WDR87: variants seen among roughly 807,000 people sequenced by gnomAD.
WDR87 encodes WD repeat domain 87.
In WDR87, 56 loss-of-function variants were observed where a neutral mutation model predicts 83.3. The ratio of observed to expected loss-of-function variants is 0.67; its 90% CI spans 0.54 to 0.84. The LOEUF is 0.84. Among genes scored for constraint, WDR87 ranks in the 40% least tolerant of loss-of-function variants. The pLI is 0.00. For synonymous variants in WDR87, 1,173 were observed against 1,250.6 expected (o/e 0.94, Z 1.31); for missense variants, 2,939 against 3,431.9 (o/e 0.86, Z 3.59).
chr19:37,895,352 G>A lies in WDR87; in HGVS notation c.351C>T (p.Ser117=). Reference sequence around the variant, plus strand: ...CACAGTAGACCACGAGGATATGAAAGGAGCCTGCATGGACCATGGACTGGA... The same window carrying A: ...CACAGTAGACCACGAGGATATGAAAAGAGCCTGCATGGACCATGGACTGGA... ...PPIQSMVHAG[S]FHILVVYCGD... The change falls in exon 4 of 6, where the codon TCC becomes TCT. Residue 117 remains serine (S), a synonymous_variant. Transcript: ENST00000447313. The A allele has an allele frequency of 6.4e-7, 1 of 1,551,772 alleles. No individual in the cohort carries two copies. Among genetic ancestry groups the A allele is most frequent in the Non-Finnish European group, 8.7e-7 (1 of 1,147,010 alleles).
chr19:37,884,843 G>C lies in WDR87; in HGVS notation c.*89C>G. 1 of 792,288 alleles carries C rather than the reference G, an allele frequency of 1.3e-6. No homozygotes were observed. Among genetic ancestry groups the C allele is most frequent in the Non-Finnish European group, 1.7e-6 (1 of 593,396 alleles). 49.1% of individuals were successfully genotyped at this position (792,288 alleles called of 1,614,324 possible). A position where few individuals can be genotyped will look rare whatever the true frequency, so the allele number is the denominator to read the frequency against. The stretch of plus-strand genomic sequence containing the variant: ...AACACCGTCTCAAAAAAAAAAAAAA[G>C]AGAGAGAGAGAGATGAAGGTCTAGA... On this transcript the variant is annotated 3_prime_UTR_variant, in exon 6 of 6. Transcript: ENST00000447313.
In WDR87 at chr19:37,893,685, G is replaced by C; in HGVS notation, c.2018C>G (p.Ser673Cys). The C allele has an allele frequency of 2.6e-6, 4 of 1,551,996 alleles. No homozygotes were observed. Among genetic ancestry groups the C allele is most frequent in the Non-Finnish European group, 3.5e-6 (4 of 1,147,100 alleles). The change falls in exon 4 of 6, where the codon TCC becomes TGC. Residue 673 changes from serine (S) to cysteine (C), a missense_variant. By Grantham distance (112) the Ser-to-Cys change is moderately radical. This residue lies in a region of WDR87 where 553 missense variants were observed against 577.9 expected (regional missense o/e 0.96). Transcript: ENST00000447313. ...GGCTGGGGGAAGCAATTTTAAACAG[G>C]ACACTAGGTAAAGACTCTGGTTAAA... ...VTFNQSLYLV[S>C]CLKLLPPALL...
At position 37,892,596 on chromosome 19, in the gene WDR87, T is replaced by C. The variant is rs1437626531; in HGVS notation, c.3107A>G (p.Glu1036Gly). The change falls in exon 4 of 6, where the codon GAG becomes GGG. Residue 1036 changes from glutamate to glycine, a missense_variant. Around this residue, in one of 3 missense-constraint regions of WDR87, gnomAD observed 2,160 missense variants for 2,533.1 expected, o/e 0.85. Transcript: ENST00000447313. ...AACTTACTGCATCTCCCGAAAAGTC[T>C]CTTGTTTTTGGGTCAGCTGTAAGAG... ...TSLLQLTQKQ[E>G]TFREMQQQMI... The C allele has an allele frequency of 1.3e-5, 19 of 1,496,236 alleles. No homozygotes were observed. Among genetic ancestry groups the C allele is most frequent in the Non-Finnish European group, 1.7e-5 (19 of 1,116,996 alleles). 92.7% of individuals were successfully genotyped at this position (1,496,236 alleles called of 1,614,324 possible). A position where few individuals can be genotyped will look rare whatever the true frequency, so the allele number is the denominator to read the frequency against.
chr19:37,890,168 A>G lies in WDR87; in HGVS notation c.3503T>C (p.Ile1168Thr), dbSNP rs187320662. The G allele has an allele frequency of 6.6e-4, 1,022 of 1,551,774 alleles. 1 individual carries two copies. The highest frequency in any genetic ancestry group is 3.0e-3 in the Admixed American group (151 of 50,998). The change falls in exon 6 of 6, where the codon ATT (isoleucine) becomes ACT (threonine). Residue 1168 changes from isoleucine to threonine, a missense_variant. Transcript: ENST00000447313. ...EDESGTEAAP[I>T]EMEEASVYSQ... Reference sequence around the variant, plus strand: ...ATAGACGGATGCTTCCTCCATCTCAATTGGTGCGGCCTCAGTCCCACTTTC... The same window carrying G: ...ATAGACGGATGCTTCCTCCATCTCAGTTGGTGCGGCCTCAGTCCCACTTTC...
rs1367832969 is a variant in WDR87, at chr19:37,886,971, G to A, written c.6700C>T (p.Arg2234Ter). 24 of 1,551,632 alleles carry A rather than the reference G, an allele frequency of 1.5e-5. No homozygotes were observed. Among genetic ancestry groups the A allele is most frequent in the South Asian group, 3.6e-5 (3 of 83,968 alleles). Residue 2234 changes from arginine (R) to a stop codon, truncating the protein, a stop_gained, in exon 6 of 6, where the codon CGA (arginine) becomes TGA (stop). Coordinates refer to ENST00000447313, the MANE Select transcript of WDR87 (RefSeq NM_001291088.2). LOFTEE classifies it low-confidence loss of function (END_TRUNC). ...GCCTCTTTCCTCTTTCTCCACCTTC[G>A]TTTAAGGAATGGGATTACCTCTTCT... is the stretch of plus-strand genomic sequence containing the variant. ...EEEEVIPFLK[R>*]RWRKRKEAKR...
At chr19:37,904,675 G>C (rs1313573192) in intron 1 of WDR87, among the ~76,000 whole-genome samples, 1 of 152,096 alleles carries the variant, frequency 6.6e-6, no homozygotes, top group African/African-American at 2.4e-5. Flanking sequence ...TCTTATGCAA[G>C]TGATAGTATA....
rs1568449948 is a variant in WDR87, at chr19:37,888,651, C to CA, written c.5019_5020insT (p.Gly1674TrpfsTer2). The CA allele has an allele frequency of 1.3e-6, 2 of 1,552,084 alleles. No individual in the cohort carries two copies. The highest frequency in any genetic ancestry group is 2.4e-5 in the South Asian group (2 of 84,042). On this transcript the variant is annotated frameshift_variant, in exon 6 of 6. Transcript: ENST00000447313. LOFTEE classifies it low-confidence loss of function (END_TRUNC). Reference sequence around the variant, plus strand: ...GTTTCCTCTTTCTGGGCAAACTTACCCTCTGCCTGGGCCATTTCCCTGTCA... The same window carrying CA: ...GTTTCCTCTTTCTGGGCAAACTTACCACTCTGCCTGGGCCATTTCCCTGTCA...
chr19:37,898,254 C>T lies in WDR87; in HGVS notation c.-15G>A. 1 of 1,551,288 alleles carries T rather than the reference C, an allele frequency of 6.4e-7. No individual in the cohort carries two copies. The highest frequency in any genetic ancestry group is 1.4e-5 in the African/African-American group (1 of 73,160). ...GGGGAAGACATCACCGTCAGACTCCCTTGGCCCTCCTGAGGACTGTTGCTT... is the reference window on the plus strand; with the variant it reads ...GGGGAAGACATCACCGTCAGACTCCTTTGGCCCTCCTGAGGACTGTTGCTT... On this transcript the variant is annotated 5_prime_UTR_variant, in exon 2 of 6. Coordinates refer to ENST00000447313, the MANE Select transcript of WDR87 (RefSeq NM_001291088.2).
intron 1 of WDR87, among the ~76,000 whole-genome samples, chr19:37,904,335 G>A (rs981894193): frequency 1.3e-5 from 2 of 150,930 alleles, no homozygotes; most frequent in South Asian, 2.1e-4. Context: ...AACTCTGGTT[G>A]TGTCTTTCTT....
At position 37,886,463 on chromosome 19, in the gene WDR87, T is replaced by A; in HGVS notation, c.7208A>T (p.Glu2403Val). The change falls in exon 6 of 6, where the codon GAA (glutamate) becomes GTA (valine). Residue 2403 changes from glutamate to valine, a missense_variant. By Grantham distance (121) the Glu-to-Val change is moderately radical. Transcript: ENST00000447313. The stretch of plus-strand genomic sequence containing the variant: ...TCCTCTTAAAATGGAAAGGACTCTT[T>A]CCCTTCCTCTTAGGCTCTTTCTTCT... ...EQRRKSLRGR[E>V]RVLSILRGVP... 1 of 1,527,550 alleles carries A rather than the reference T, an allele frequency of 6.5e-7. No homozygotes were observed. Among genetic ancestry groups the A allele is most frequent in the Non-Finnish European group, 8.8e-7 (1 of 1,140,790 alleles). The allele number at this position is 1,527,550 out of a possible 1,614,324, so 94.6% of individuals were successfully genotyped here. A position where few individuals can be genotyped will look rare whatever the true frequency, so the allele number is the denominator to read the frequency against.
chr19:37,890,623 T>G (rs568005975), intron 5 of WDR87, among the ~76,000 whole-genome samples: 22 of 152,302 alleles, frequency 1.4e-4, no homozygotes, highest in African/African-American at 5.3e-4. Flanking sequence ...ATGTATACAC[T>G]TTTGTAATTA....
Position 37,895,252 on chromosome 19 carries a change from T to C in WDR87, c.451A>G (p.Asn151Asp), listed in dbSNP as rs1485901250. The C allele has an allele frequency of 1.5e-5, 23 of 1,551,598 alleles. No individual in the cohort carries two copies. The East Asian group carries it at 5.1e-4, about 35-fold the overall frequency. Residue 151 changes from asparagine to aspartate, a missense_variant, in exon 4 of 6, where the codon AAC becomes GAC. Transcript: ENST00000447313. Reference protein sequence around the residue: ...KPLGKVPCRFNISCLCYDPEM... With the variant: ...KPLGKVPCRFDISCLCYDPEM... ...GGGTCATAGCAGAGGCAGCTGATGT[T>C]GAAGCGGCAGGGCACTTTACCCAGG...
chr19:37,893,696 A>G lies in WDR87; in HGVS notation c.2007T>C (p.Leu669=), dbSNP rs1283479519. The G allele has an allele frequency of 6.4e-7, 1 of 1,551,992 alleles. No individual in the cohort carries two copies. Among genetic ancestry groups the G allele is most frequent in the Non-Finnish European group, 8.7e-7 (1 of 1,147,092 alleles). Residue 669 remains leucine, a synonymous_variant, in exon 4 of 6, where the codon CTT becomes CTC. Coordinates refer to ENST00000447313, the MANE Select transcript of WDR87 (RefSeq NM_001291088.2). ...GCAATTTTAAACAGGACACTAGGTAAAGACTCTGGTTAAAAGTCACAAGCA... is the reference window on the plus strand; with the variant it reads ...GCAATTTTAAACAGGACACTAGGTAGAGACTCTGGTTAAAAGTCACAAGCA... ...GDLLVTFNQS[L]YLVSCLKLLP...
intron 1 of WDR87, among the ~76,000 whole-genome samples, chr19:37,900,049 C>T (rs1181623864): frequency 1.3e-5 from 2 of 152,202 alleles, no homozygotes; most frequent in Non-Finnish European, 2.9e-5. Context: ...GAGACTTGCT[C>T]ACTGGATTTG....
chr19:37,887,491 G>A lies in WDR87; in HGVS notation c.6180C>T (p.Asp2060=), dbSNP rs1360397193. The change falls in exon 6 of 6, where the codon GAC becomes GAT. Residue 2060 remains aspartate, a synonymous_variant. Coordinates refer to ENST00000447313, the MANE Select transcript of WDR87 (RefSeq NM_001291088.2). The part of the protein sequence containing the change: ...SLEEKILLHE[D]RILAMEESEI... ...CGCTTTCCTCCATGGCCAATATCCTGTCTTCATGTAGCAGTATCTTCTCCT... is the reference window on the plus strand; with the variant it reads ...CGCTTTCCTCCATGGCCAATATCCTATCTTCATGTAGCAGTATCTTCTCCT... 1 of 1,551,788 alleles carries A rather than the reference G, an allele frequency of 6.4e-7. No individual in the cohort carries two copies. The highest frequency in any genetic ancestry group is 8.7e-7 in the Non-Finnish European group (1 of 1,147,010).
chr19:37,892,958 T>C lies in WDR87; in HGVS notation c.2745A>G (p.Glu915=), dbSNP rs1345365911. 7.7e-6 allele frequency: 12 copies of C among 1,551,904 alleles called. No homozygotes were observed. Among genetic ancestry groups the C allele is most frequent in the African/African-American group, 5.5e-5 (4 of 73,056 alleles). The change falls in exon 4 of 6, where the codon GAA becomes GAG. Residue 915 remains glutamate (E), a synonymous_variant. Transcript: ENST00000447313. ...NRSWLGRKMS[E]ITINSMIETM... is the part of the protein sequence containing the mutation. ...TCTCAATCATGCTATTAATGGTTAT[T>C]TCACTCATCTTTCTTCCCAGCCAAC...
At chr19:37,904,115 G>A (rs1479234364) in intron 1 of WDR87, among the ~76,000 whole-genome samples, 1 of 151,852 alleles carries the variant, frequency 6.6e-6, no homozygotes, top group East Asian at 1.9e-4. Flanking sequence ...TGTTAGCCTC[G>A]ATGGTCTCAA....
chr19:37,890,304 A>G, intron 5 of WDR87, 28 bp from the exon 6 acceptor site: 1 of 1,498,910 alleles, frequency 6.7e-7, no homozygotes, highest in Non-Finnish European at 8.9e-7. Flanking sequence ...AGATGGAGGT[A>G]AGCAAAGTAT....
chr19:37,901,424 C>A (rs574355610), intron 1 of WDR87, among the ~76,000 whole-genome samples: 2 of 152,112 alleles, frequency 1.3e-5, no homozygotes, highest in African/African-American at 4.8e-5. Flanking sequence ...GGGCGAGACT[C>A]CATCTCAAAA....
Sources: gnomAD v4.1 joint callset for allele counts (sites outside exome capture counted in the v4.1 genomes callset) on GRCh38, gnomAD v4.1.1 for gene constraint, gnomAD v4.1.1 regional missense constraint, MANE v1.5 for transcripts, NCBI Gene and HGNC (gene_info 2026-07-23, HGNC 2026-07-21) for gene names.